ACYP2: variants seen among roughly 807,000 people sequenced by gnomAD.
ACYP2 encodes the protein acylphosphatase-2.
Under a neutral mutation model 11.2 loss-of-function variants are expected in ACYP2, and 12 were observed. That is an observed-to-expected ratio of 1.08 (90% confidence interval 0.69 to 1.74). The LOEUF (loss-of-function observed/expected upper bound fraction) is 1.74, where lower values mean the gene tolerates loss of function less well. Ranked by LOEUF, ACYP2 falls within the 40% of genes most tolerant of loss-of-function variation. The probability of loss-of-function intolerance (pLI) is 0.00; values close to 1 mark genes in which losing one functional copy is unlikely to be tolerated. For missense variants in ACYP2, 134 were observed against 101.9 expected (o/e 1.31, Z -1.35); for synonymous variants, 43 against 32.2 (o/e 1.33, Z -1.13).
chr2:54,238,994 AAAAATCCC>A (rs1180328764), intron 6 of ACYP2, among the ~76,000 whole-genome samples: 1 of 151,930 alleles, frequency 6.6e-6, no homozygotes, highest in East Asian at 1.9e-4. Context: ...TTTTATGGGC[AAAAATCCC>A]AACTCTGGTC....
At chr2:54,200,119 T>A (rs564323355) in intron 6 of ACYP2, among the ~76,000 whole-genome samples, 1 of 152,204 alleles carries the variant, frequency 6.6e-6, no homozygotes, top group South Asian at 2.1e-4. Context: ...GTGTTTTCAG[T>A]TGGAAGATGT....
intron 6 of ACYP2, among the ~76,000 whole-genome samples, chr2:54,207,865 G>C (rs1685147148): frequency 6.6e-6 from 1 of 152,118 alleles, no homozygotes; most frequent in Non-Finnish European, 1.5e-5. Context: ...TTCAAGTTCT[G>C]TGTGTGCATT....
At chr2:54,212,165 A>G (rs982145417) in intron 6 of ACYP2, among the ~76,000 whole-genome samples, 4 of 152,114 alleles carry the variant, frequency 2.6e-5, no homozygotes, top group African/African-American at 9.7e-5. Flanking sequence ...GAAGCTGGAG[A>G]GTTTTATCTC....
At chr2:53,997,774 C>CA (rs1415204184) in intron 2 of ACYP2, among the ~76,000 whole-genome samples, 1 of 151,654 alleles carries the variant, frequency 6.6e-6, no homozygotes, top group Middle Eastern at 3.2e-3. Flanking sequence ...TACAGAATTG[C>CA]AAAAAATAAA....
At chr2:54,117,236 A>G (rs373654905) in intron 4 of ACYP2, among the ~76,000 whole-genome samples, 1 of 152,194 alleles carries the variant, frequency 6.6e-6, no homozygotes, top group African/African-American at 2.4e-5. Flanking sequence ...AAATATAAAA[A>G]GTATGATAAA....
chr2:54,148,961 A>G (rs943487574), intron 6 of ACYP2, among the ~76,000 whole-genome samples: 2 of 152,206 alleles, frequency 1.3e-5, no homozygotes, highest in African/African-American at 2.4e-5. Context: ...CACCAACCTA[A>G]TAGTGCCAGT....
chr2:54,066,382 A>G lies in ACYP2; in HGVS notation c.277+9022A>G, dbSNP rs948551862. On this transcript the variant is annotated intron_variant, in intron 4 of 6. Transcript: ENST00000607452. ...GCCAGACATGCAGAACTGTGAGTCA[A>G]TTAAACCTGTTTCCTTTATAAATTA... Among the ~76,000 whole-genome samples the G allele has an allele frequency of 5.9e-5, 9 of 152,334 alleles. No individual in the cohort carries two copies. In the South Asian group the frequency reaches 1.9e-3, roughly 32 times the overall value.
intron 6 of ACYP2, among the ~76,000 whole-genome samples, chr2:54,183,900 G>C (rs1446291822): frequency 6.6e-5 from 10 of 151,948 alleles, no homozygotes; most frequent in Admixed American, 6.6e-4. Context: ...TAAAGAATTG[G>C]TATCACACTT....
chr2:54,177,414 G>A (rs1174755527), intron 6 of ACYP2, among the ~76,000 whole-genome samples: 3 of 152,116 alleles, frequency 2.0e-5, no homozygotes, highest in Non-Finnish European at 4.4e-5. Context: ...GCCCTTTCAT[G>A]CCTAGGAATG....
intron 6 of ACYP2, chr2:54,254,988 A>G (rs1441684304): frequency 1.2e-6 from 2 of 1,614,062 alleles, no homozygotes; most frequent in East Asian, 2.2e-5. Context: ...GTCTAGCTCT[A>G]TGGGCGTCTT....
chr2:53,993,743 G>C (rs1672420064), intron 2 of ACYP2, among the ~76,000 whole-genome samples: 1 of 152,020 alleles, frequency 6.6e-6, no homozygotes, highest in Non-Finnish European at 1.5e-5. Flanking sequence ...AGCTATTTCT[G>C]GTAGTCTCTA....
intron 6 of ACYP2, among the ~76,000 whole-genome samples, chr2:54,302,641 C>T (rs190583035): frequency 6.6e-6 from 1 of 152,310 alleles, no homozygotes; most frequent in African/African-American, 2.4e-5. Context: ...CAACTGCCTA[C>T]TCACCATCTC....
intron 6 of ACYP2, among the ~76,000 whole-genome samples, chr2:54,146,439 A>ATTTTTTT (rs11360655): frequency 2.8e-5 from 4 of 140,612 alleles, no homozygotes; most frequent in Non-Finnish European, 3.1e-5. Flanking sequence ...CTGATCCTCT[A>ATTTTTTT]TTTTTTTTTT....
chr2:53,990,323 A>C (rs867428915), intron 2 of ACYP2, among the ~76,000 whole-genome samples: 13 of 152,140 alleles, frequency 8.5e-5, no homozygotes, highest in African/African-American at 2.6e-4. Flanking sequence ...ATTTAGCCAG[A>C]GTTCACTTCT....
chr2:54,119,577 C>T (rs560622988), intron 4 of ACYP2, among the ~76,000 whole-genome samples: 1 of 152,242 alleles, frequency 6.6e-6, no homozygotes, highest in East Asian at 1.9e-4. Context: ...GTTTCAATGA[C>T]ATGAAAGTGA....
rs118060207 is a variant in ACYP2 at position 54,202,088 on chromosome 2, G to A, written c.404+63340G>A. 6.2e-4 allele frequency among the ~76,000 whole-genome samples: 95 copies of A among 152,020 alleles called. 2 individuals are homozygous for A. In the East Asian group the frequency reaches 0.017, roughly 27 times the overall value. On this transcript the variant is annotated intron_variant, in intron 6 of 6. Transcript: ENST00000607452. ...CATCTTGAGTTAACTTTTGCATACA[G>A]TGTAAGGTAGAGGTCCAATTTCATT...
chr2:54,018,299 C>T (rs764822565), intron 2 of ACYP2, among the ~76,000 whole-genome samples: 30 of 152,094 alleles, frequency 2.0e-4, no homozygotes, highest in Non-Finnish European at 2.2e-4. Flanking sequence ...CATTAGATTC[C>T]CATGTTACAC....
At chr2:53,993,022 A>G (rs1031904046) in intron 2 of ACYP2, among the ~76,000 whole-genome samples, 14 of 152,078 alleles carry the variant, frequency 9.2e-5, no homozygotes, top group Non-Finnish European at 2.1e-4. Context: ...CCTGACCAAC[A>G]TGGTGAAACC....
At chr2:54,255,121 C>T (rs371089329) in intron 6 of ACYP2, 5 of 1,614,144 alleles carry the variant, frequency 3.1e-6, no homozygotes, top group Non-Finnish European at 3.4e-6. Context: ...GATGACATGT[C>T]GGTTCCTATG....
Sources: gnomAD v4.1 joint callset for allele counts (sites outside exome capture counted in the v4.1 genomes callset) on GRCh38, gnomAD v4.1.1 for gene constraint, MANE v1.5 for transcripts, NCBI Gene and HGNC (gene_info 2026-07-23, HGNC 2026-07-21) for gene names.